EEFSEC: variants seen among roughly 807,000 people sequenced by gnomAD.
EEFSEC encodes eukaryotic elongation factor, selenocysteine-tRNA specific, also known as selenocysteine-specific elongation factor.
A neutral mutation model predicts 42.1 loss-of-function variants in EEFSEC; 43 were observed. The ratio of observed to expected loss-of-function variants is 1.02; its 90% CI spans 0.80 to 1.32. The LOEUF (loss-of-function observed/expected upper bound fraction) is 1.32. EEFSEC is among the 40% of genes most tolerant of loss of function. The probability of loss-of-function intolerance (pLI) is 0.00; values close to 1 mark genes in which losing one functional copy is unlikely to be tolerated. For missense variants in EEFSEC, 745 were observed against 803.6 expected (o/e 0.93, Z 0.88); for synonymous variants, 354 against 339.1 (o/e 1.04, Z -0.48).
At chr3:128,220,990 TC>T (rs1269663178) in intron 1 of EEFSEC, among the ~76,000 whole-genome samples, 3 of 152,246 alleles carry the variant, frequency 2.0e-5, no homozygotes, top group African/African-American at 7.2e-5. Flanking sequence ...TTCTCGTTAC[TC>T]TCAGTACATT....
intron 6 of EEFSEC, among the ~76,000 whole-genome samples, chr3:128,387,693 T>C (rs2977561): frequency 0.41 from 62,255 of 151,934 alleles, 15,749 homozygotes; most frequent in African/African-American, 0.71. Flanking sequence ...CAGGCTGGGC[T>C]GGCCCCTGTG....
At chr3:128,194,676 C>T (rs1024106279) in intron 1 of EEFSEC, among the ~76,000 whole-genome samples, 22 of 152,018 alleles carry the variant, frequency 1.4e-4, no homozygotes, top group African/African-American at 4.6e-4. Context: ...TTTGTGCACC[C>T]TTCTTTAAAA....
intron 1 of EEFSEC, among the ~76,000 whole-genome samples, chr3:128,224,601 ATCTC>A (rs1246565834): frequency 1.3e-5 from 2 of 152,100 alleles, no homozygotes; most frequent in Non-Finnish European, 2.9e-5. Flanking sequence ...TGCTTGTTTC[ATCTC>A]TCTCTCCCCT....
chr3:128,160,834 TCTTAA>T (rs1360880208), intron 1 of EEFSEC, among the ~76,000 whole-genome samples: 2 of 152,128 alleles, frequency 1.3e-5, no homozygotes, highest in Non-Finnish European at 2.9e-5. Flanking sequence ...ACGAATCCTA[TCTTAA>T]CTTAGAGAAA....
At chr3:128,327,300 C>T (rs997505502) in intron 4 of EEFSEC, among the ~76,000 whole-genome samples, 88 of 150,648 alleles carry the variant, frequency 5.8e-4, no homozygotes, top group African/African-American at 2.1e-3. Context: ...ATCCCCCCCC[C>T]CCCAAGGTTG....
intron 4 of EEFSEC, among the ~76,000 whole-genome samples, chr3:128,338,166 AC>A (rs1272376664): frequency 3.9e-5 from 6 of 152,374 alleles, no homozygotes; most frequent in Non-Finnish European, 1.5e-5. Context: ...AGAAACTTAT[AC>A]AACAAAGCAA....
intron 1 of EEFSEC, among the ~76,000 whole-genome samples, chr3:128,201,673 T>C (rs983302328): frequency 2.0e-4 from 31 of 152,234 alleles, no homozygotes; most frequent in African/African-American, 7.0e-4. Context: ...ACCTATTTGT[T>C]TTCTTAATGG....
At chr3:128,395,636 G>A (rs2067972262) in intron 6 of EEFSEC, among the ~76,000 whole-genome samples, 1 of 152,212 alleles carries the variant, frequency 6.6e-6, no homozygotes, top group Non-Finnish European at 1.5e-5. Flanking sequence ...CTCCTGCCAG[G>A]CCTCCCTCAC....
intron 1 of EEFSEC, among the ~76,000 whole-genome samples, chr3:128,228,735 C>G (rs956203883): frequency 6.6e-6 from 1 of 152,056 alleles, no homozygotes; most frequent in African/African-American, 2.4e-5. Context: ...GCAGGCAATG[C>G]AAACTCTCTG....
chr3:128,271,583 C>G (rs941332493), intron 4 of EEFSEC, among the ~76,000 whole-genome samples: 2 of 152,152 alleles, frequency 1.3e-5, no homozygotes, highest in Admixed American at 1.3e-4. Context: ...AGAAGGAAAC[C>G]AGGAAGGTTT....
chr3:128,424,663 G>A, the EEFSEC span, among the ~76,000 whole-genome samples: 1 of 152,158 alleles, frequency 6.6e-6, no homozygotes, highest in Non-Finnish European at 1.5e-5. Context: ...GGGATTACAG[G>A]AATGAGTCAC....
intron 4 of EEFSEC, among the ~76,000 whole-genome samples, chr3:128,339,672 C>T (rs2067228636): frequency 1.3e-5 from 2 of 152,308 alleles, no homozygotes; most frequent in Admixed American, 1.3e-4. Flanking sequence ...CAGTGACTTC[C>T]GGGCCTTGCA....
At position 128,408,407 on chromosome 3, in the gene EEFSEC, T is replaced by C; in HGVS notation, c.*148T>C. 2.3e-6 allele frequency: 2 copies of C among 858,058 alleles called. No individual in the cohort carries two copies. Among genetic ancestry groups the C allele is most frequent in the Non-Finnish European group, 3.4e-6 (2 of 581,456 alleles). 53.2% of individuals were successfully genotyped at this position (858,058 alleles called of 1,614,324 possible). A position where few individuals can be genotyped will look rare whatever the true frequency, so the allele number is the denominator to read the frequency against. ...CACCCCCAAGCTTGGTGCTGAGCCC[T>C]GGTGAGGAGCTGAGGGGGATGGGTT... is the stretch of plus-strand genomic sequence containing the variant. On this transcript the variant is annotated 3_prime_UTR_variant, in exon 7 of 7. Coordinates refer to ENST00000254730, the MANE Select transcript of EEFSEC (RefSeq NM_021937.5).
intron 1 of EEFSEC, among the ~76,000 whole-genome samples, chr3:128,236,609 G>A (rs2066013577): frequency 6.6e-6 from 1 of 152,194 alleles, no homozygotes; most frequent in Non-Finnish European, 1.5e-5. Flanking sequence ...AAGGTGTGAT[G>A]TCTTATCATG....
At chr3:128,249,889 A>G (rs1479347602) in intron 2 of EEFSEC, among the ~76,000 whole-genome samples, 1 of 152,190 alleles carries the variant, frequency 6.6e-6, no homozygotes, top group Non-Finnish European at 1.5e-5. Context: ...TGCTATGAAC[A>G]TGGATGTATA....
intron 1 of EEFSEC, among the ~76,000 whole-genome samples, chr3:128,235,987 C>T (rs928143301): frequency 4.0e-5 from 6 of 151,224 alleles, no homozygotes; most frequent in East Asian, 1.9e-4. Context: ...TGTTTTCAGA[C>T]GGAGTCTCAC....
At chr3:128,203,952 G>A (rs1321153374) in intron 1 of EEFSEC, among the ~76,000 whole-genome samples, 1 of 152,240 alleles carries the variant, frequency 6.6e-6, no homozygotes, top group African/African-American at 2.4e-5. Flanking sequence ...GTTATTTATA[G>A]GAGTATTGTA....
chr3:128,237,720 G>A, intron 1 of EEFSEC, among the ~76,000 whole-genome samples: 1 of 152,020 alleles, frequency 6.6e-6, no homozygotes, highest in Non-Finnish European at 1.5e-5. Flanking sequence ...TCTTGTCCAG[G>A]GCCATTTATT....
intron 6 of EEFSEC, among the ~76,000 whole-genome samples, chr3:128,384,486 A>G (rs553129449): frequency 1.4e-4 from 22 of 152,324 alleles, no homozygotes; most frequent in African/African-American, 5.1e-4. Flanking sequence ...AGGACCCAGC[A>G]TACACAGGTG....
Sources: gnomAD v4.1 joint callset for allele counts (sites outside exome capture counted in the v4.1 genomes callset) on GRCh38, gnomAD v4.1.1 for gene constraint, MANE v1.5 for transcripts, NCBI Gene and HGNC (gene_info 2026-07-23, HGNC 2026-07-21) for gene names.